FGF12: variants seen among roughly 807,000 people sequenced by gnomAD.
The protein encoded by FGF12 is fibroblast growth factor 12B.
Under a neutral mutation model 23.6 loss-of-function variants are expected in FGF12, and 14 were observed. The observed-to-expected ratio is 0.59, with a 90% CI of 0.39 to 0.93. The LOEUF is 0.93. Among genes scored for constraint, FGF12 ranks in the 40% least tolerant of loss-of-function variants. The pLI is 0.00. For missense variants in FGF12, 175 were observed against 217.8 expected (o/e 0.80, Z 1.24); for synonymous variants, 62 against 77.3 (o/e 0.80, Z 1.04).
intron 2 of FGF12, among the ~76,000 whole-genome samples, chr3:192,467,494 G>A (rs1356126585): frequency 1.3e-5 from 2 of 152,148 alleles, no homozygotes; most frequent in Admixed American, 1.3e-4. Flanking sequence ...ACAGGTGAGC[G>A]GGACGCCTAG....
intron 2 of FGF12, among the ~76,000 whole-genome samples, chr3:192,632,219 T>C (rs1010399633): frequency 5.3e-5 from 8 of 152,206 alleles, no homozygotes; most frequent in African/African-American, 9.7e-5. Context: ...TGAGTAGTAA[T>C]TGAAAACCAG....
chr3:192,239,656 A>G (rs1391504261), intron 4 of FGF12, among the ~76,000 whole-genome samples: 1 of 152,174 alleles, frequency 6.6e-6, no homozygotes, highest in Non-Finnish European at 1.5e-5. Context: ...CATGAACCCT[A>G]TTGTGAACTG....
intron 4 of FGF12, among the ~76,000 whole-genome samples, chr3:192,326,946 T>C (rs1296714154): frequency 6.6e-6 from 1 of 152,212 alleles, no homozygotes; most frequent in Non-Finnish European, 1.5e-5. Flanking sequence ...TGACAGTTTA[T>C]GTGAAAGCAC....
chr3:192,217,824 TTTTTC>T (rs1031986706), intron 4 of FGF12, among the ~76,000 whole-genome samples: 44 of 152,116 alleles, frequency 2.9e-4, no homozygotes, highest in East Asian at 9.7e-4. Flanking sequence ...CACTTTTCTT[TTTTTC>T]TTTTCTTTTC....
chr3:192,638,863 G>A (rs1339006485), intron 2 of FGF12, among the ~76,000 whole-genome samples: 2 of 152,124 alleles, frequency 1.3e-5, no homozygotes, highest in South Asian at 4.1e-4. Flanking sequence ...AGGCATTGAA[G>A]AATTAATGCA....
chr3:192,727,162 GATAGGGACAACCAC>G lies in FGF12; in HGVS notation c.13+5_13+18del. 6.4e-7 allele frequency: 1 copy of G among 1,574,562 alleles called. No homozygotes were observed. Among genetic ancestry groups the G allele is most frequent in the East Asian group, 2.3e-5 (1 of 42,668 alleles). ...ACGCACATGCAGCGGGAAGTCCCCC[GATAGGGACAACCAC>G]ATACCTTTGCTCTCCATTTCGGTCC... On this transcript the variant is annotated splice_donor_5th_base_variant and intron_variant, in intron 2 of 5. Coordinates refer to ENST00000445105, the MANE Select transcript of FGF12 (RefSeq NM_004113.6).
At chr3:192,710,161 C>G (rs1431839498) in intron 2 of FGF12, among the ~76,000 whole-genome samples, 1 of 152,160 alleles carries the variant, frequency 6.6e-6, no homozygotes, top group African/African-American at 2.4e-5. Context: ...ACTGAGGGAG[C>G]TGGCCAGGGC....
intron 4 of FGF12, among the ~76,000 whole-genome samples, chr3:192,301,884 T>G (rs1404666120): frequency 6.6e-6 from 1 of 152,130 alleles, no homozygotes; most frequent in East Asian, 1.9e-4. Context: ...ACTTTCGCCA[T>G]CTAATCCTTT....
chr3:192,389,929 A>C (rs1369355399), intron 2 of FGF12, among the ~76,000 whole-genome samples: 2 of 152,242 alleles, frequency 1.3e-5, no homozygotes, highest in African/African-American at 4.8e-5. Context: ...AAAATGTTTA[A>C]TCTAAACCAA....
At chr3:192,620,365 A>T (rs1714929493) in intron 2 of FGF12, among the ~76,000 whole-genome samples, 1 of 152,150 alleles carries the variant, frequency 6.6e-6, no homozygotes, top group South Asian at 2.1e-4. Flanking sequence ...CAGTAATCGG[A>T]GAGTTTGCCA....
intron 2 of FGF12, among the ~76,000 whole-genome samples, chr3:192,459,827 C>A (rs2108806573): frequency 6.6e-6 from 1 of 150,436 alleles, no homozygotes; most frequent in South Asian, 2.1e-4. Flanking sequence ...ATCTTTCCTG[C>A]ATGTATGTTT....
intron 2 of FGF12, among the ~76,000 whole-genome samples, chr3:192,685,682 C>T (rs1436754491): frequency 2.0e-5 from 3 of 151,950 alleles, no homozygotes; most frequent in African/African-American, 7.2e-5. Context: ...CCAGGAAAAC[C>T]GGAAGGATGG....
intron 2 of FGF12, among the ~76,000 whole-genome samples, chr3:192,594,528 T>C (rs1713758855): frequency 6.6e-6 from 1 of 151,906 alleles, no homozygotes; most frequent in African/African-American, 2.4e-5. Flanking sequence ...GGTTTGGATA[T>C]GTCCCCCAAG....
At chr3:192,647,951 A>C (rs1281388949) in intron 2 of FGF12, among the ~76,000 whole-genome samples, 1 of 152,002 alleles carries the variant, frequency 6.6e-6, no homozygotes, top group Admixed American at 6.6e-5. Context: ...GTCCCCACTT[A>C]CATCTATTAT....
intron 2 of FGF12, among the ~76,000 whole-genome samples, chr3:192,582,603 T>C (rs1243524825): frequency 6.6e-6 from 1 of 151,816 alleles, no homozygotes; most frequent in Non-Finnish European, 1.5e-5. Flanking sequence ...CTGACTTGAA[T>C]AGCTTTGAAA....
At chr3:192,392,690 T>A (rs1428555780) in intron 2 of FGF12, among the ~76,000 whole-genome samples, 2 of 151,858 alleles carry the variant, frequency 1.3e-5, no homozygotes, top group Admixed American at 1.3e-4. Flanking sequence ...ACTACACATG[T>A]AATTTTTGGT....
chr3:192,545,071 G>A (rs1046867959), intron 2 of FGF12, among the ~76,000 whole-genome samples: 3 of 152,158 alleles, frequency 2.0e-5, no homozygotes, highest in African/African-American at 2.4e-5. Flanking sequence ...CCATGTCCAA[G>A]GGAAGCGAGC....
At chr3:192,178,014 TTAAACAA>T (rs1162380836) in intron 4 of FGF12, among the ~76,000 whole-genome samples, 6 of 152,188 alleles carry the variant, frequency 3.9e-5, no homozygotes, top group African/African-American at 1.4e-4. Context: ...GTTCTGGGAA[TTAAACAA>T]CAAATCGACT....
At chr3:192,248,883 C>T (rs1344200836) in intron 4 of FGF12, among the ~76,000 whole-genome samples, 1 of 152,140 alleles carries the variant, frequency 6.6e-6, no homozygotes, top group Non-Finnish European at 1.5e-5. Context: ...ACCCTACCTG[C>T]TTGATGAGCC....
Sources: allele counts gnomAD v4.1 joint callset (sites outside exome capture counted in the v4.1 genomes callset), GRCh38; gene constraint gnomAD v4.1.1; transcripts MANE v1.5; gene names NCBI Gene and HGNC (gene_info 2026-07-23, HGNC 2026-07-21).